KCNK10: variants seen among roughly 807,000 people sequenced by gnomAD.
The protein encoded by KCNK10 is potassium two pore domain channel subfamily K member 10.
In KCNK10, 25 loss-of-function variants were observed where a neutral mutation model predicts 47.7. The ratio of observed to expected loss-of-function variants is 0.52; its 90% CI spans 0.38 to 0.73. The LOEUF (loss-of-function observed/expected upper bound fraction) is 0.73. KCNK10 is among the 30% of genes least tolerant of loss of function. The pLI is 0.00. For missense variants in KCNK10, 563 were observed against 714.5 expected (o/e 0.79, Z 2.42); for synonymous variants, 303 against 285.6 (o/e 1.06, Z -0.61).
intron 2 of KCNK10, among the ~76,000 whole-genome samples, chr14:88,261,720 A>G (rs973672905): frequency 1.3e-5 from 2 of 151,878 alleles, no homozygotes; most frequent in Non-Finnish European, 2.9e-5. Context: ...TGATCACACC[A>G]CTGCACTCCA....
rs1291812697 is a variant in KCNK10, at chr14:88,322,079, G to A, written c.52+668C>T. On this transcript the variant is annotated intron_variant, in intron 1 of 6. Coordinates refer to ENST00000319231, the MANE Select transcript of KCNK10 (RefSeq NM_138317.3). The surrounding 1 kb of genome is among the most constrained non-coding windows in gnomAD (Gnocchi z 4.8). ...ATGCAAACCACACCATTGCTTGGGCGGGCACACTTCGTGCCCCTCCCCTAT... is the reference window on the plus strand; with the variant it reads ...ATGCAAACCACACCATTGCTTGGGCAGGCACACTTCGTGCCCCTCCCCTAT... Among the ~76,000 whole-genome samples the A allele has an allele frequency of 6.6e-6, 1 of 152,130 alleles. No homozygotes were observed. The highest frequency in any genetic ancestry group is 6.5e-5 in the Admixed American group (1 of 15,280).
chr14:88,203,963 C>T lies in KCNK10; in HGVS notation c.682-11553G>A, dbSNP rs114023883. 6.6e-3 allele frequency among the ~76,000 whole-genome samples: 1,010 copies of T among 152,202 alleles called. 16 individuals are homozygous for T. Among genetic ancestry groups the T allele is most frequent in the African/African-American group, 0.023 (956 of 41,526 alleles). ...GCCAGTGGAGCACCAGGCATTGGGG[C>T]CAAATGTAGATGCAGAGAAAAGATT... On this transcript the variant is annotated intron_variant, in intron 4 of 6. Coordinates refer to ENST00000319231, the MANE Select transcript of KCNK10 (RefSeq NM_138317.3).
intron 1 of KCNK10, among the ~76,000 whole-genome samples, chr14:88,275,697 A>G (rs1212859833): frequency 6.8e-6 from 1 of 147,438 alleles, no homozygotes; most frequent in Non-Finnish European, 1.5e-5. Context: ...AAAATACAAA[A>G]AAAAAAAAAA....
chr14:88,197,571 C>CAAAA (rs1566681344), intron 4 of KCNK10, among the ~76,000 whole-genome samples: 1 of 16,780 alleles, frequency 6.0e-5, no homozygotes, highest in Non-Finnish European at 1.2e-4. Context: ...GAGACTCCGA[C>CAAAA]TAAAAAAAAA....
chr14:88,301,652 G>GAA (rs36032285), intron 1 of KCNK10, among the ~76,000 whole-genome samples: 66,988 of 145,408 alleles, frequency 0.46, 17,395 homozygotes, highest in Non-Finnish European at 0.57. Context: ...AATCCTAGGA[G>GAA]AAAAAAAAAA....
chr14:88,235,656 T>C (rs1321954192), intron 3 of KCNK10, among the ~76,000 whole-genome samples: 3 of 151,946 alleles, frequency 2.0e-5, no homozygotes, highest in Non-Finnish European at 4.4e-5. Context: ...ACTAAAGGAA[T>C]AGGGAGAATA....
intron 2 of KCNK10, among the ~76,000 whole-genome samples, chr14:88,253,475 C>T (rs1886856095): frequency 6.6e-6 from 1 of 151,894 alleles, no homozygotes. Flanking sequence ...TCACGAGGTA[C>T]CTCATAAATA....
chr14:88,257,754 TCTCTGAG>T (rs1431796247), intron 2 of KCNK10, among the ~76,000 whole-genome samples: 7 of 152,170 alleles, frequency 4.6e-5, no homozygotes, highest in African/African-American at 1.4e-4. Flanking sequence ...CACAAAATAT[TCTCTGAG>T]CTCTATTTGC....
intron 4 of KCNK10, among the ~76,000 whole-genome samples, chr14:88,192,832 C>A (rs1476666653): frequency 6.6e-6 from 1 of 152,170 alleles, no homozygotes. Context: ...GCTCTTTCCA[C>A]AATGGTGGTG....
At chr14:88,246,258 G>A (rs1201447895) in intron 2 of KCNK10, among the ~76,000 whole-genome samples, 5 of 112,688 alleles carry the variant, frequency 4.4e-5, no homozygotes, top group Non-Finnish European at 8.5e-5. Context: ...GCGAGACTCC[G>A]TCTCAGAAAA....
intron 6 of KCNK10, 123 bp downstream of exon 6, chr14:88,187,844 G>C: frequency 1.2e-5 from 10 of 815,668 alleles, no homozygotes; most frequent in Non-Finnish European, 1.8e-5. Context: ...CCTATGACCC[G>C]CCCCCCGCTC....
chr14:88,258,556 TG>T (rs1887023874), intron 2 of KCNK10, among the ~76,000 whole-genome samples: 1 of 152,208 alleles, frequency 6.6e-6, no homozygotes, highest in Non-Finnish European at 1.5e-5. Context: ...CCCACAGTGG[TG>T]GGATTACAGG....
chr14:88,260,425 T>C lies in KCNK10; in HGVS notation c.402+2777A>G, dbSNP rs143154570. 8.0e-3 allele frequency among the ~76,000 whole-genome samples: 1,213 copies of C among 152,350 alleles called. 17 individuals are homozygous for C. The highest frequency in any genetic ancestry group is 0.027 in the African/African-American group (1,130 of 41,580). On this transcript the variant is annotated intron_variant, in intron 2 of 6. Transcript: ENST00000319231. This position sits in a 1 kb window ranked among gnomAD's most constrained non-coding sequence, Gnocchi z 4.5. Reference sequence around the variant, plus strand: ...CTGTGAATCAATTAAACCTCTTTTCTTTATAAATTGCTTAGTCTCAGATAG... The same window carrying C: ...CTGTGAATCAATTAAACCTCTTTTCCTTATAAATTGCTTAGTCTCAGATAG...
chr14:88,295,017 C>T (rs17124434), intron 1 of KCNK10, among the ~76,000 whole-genome samples: 5,324 of 152,198 alleles, frequency 0.035, 152 homozygotes, highest in South Asian at 0.071. Flanking sequence ...AGACAGAAAA[C>T]GAGACTTTAT....
chr14:88,263,403 G>C lies in KCNK10; in HGVS notation c.201C>G (p.Gly67=), dbSNP rs1331333448. Residue 67 remains glycine, a synonymous_variant, in exon 2 of 7, where the codon GGC becomes GGG. Transcript: ENST00000319231. The stretch of plus-strand genomic sequence containing the variant: ...TCTTCCACTTCATGACGGTCTGCAA[G>C]CCCCCTTGGGAGGTGCCTTCCATCC... ...VARMEGTSQG[G]LQTVMKWKTV... 1 of 1,614,010 alleles carries C rather than the reference G, an allele frequency of 6.2e-7. No homozygotes were observed. The highest frequency in any genetic ancestry group is 2.2e-5 in the East Asian group (1 of 44,896).
intron 2 of KCNK10, among the ~76,000 whole-genome samples, chr14:88,244,884 A>G (rs766054932): frequency 2.0e-5 from 3 of 152,214 alleles, no homozygotes; most frequent in Non-Finnish European, 2.9e-5. Context: ...ACCATTATCA[A>G]GTTCAGAGAG....
rs1282561044 is a variant in KCNK10 at position 88,260,763 on chromosome 14, T to A, written c.402+2439A>T. 6.6e-6 allele frequency among the ~76,000 whole-genome samples: 1 copy of A among 152,238 alleles called. No individual in the cohort carries two copies. The highest frequency in any genetic ancestry group is 1.5e-5 in the Non-Finnish European group (1 of 68,036). On this transcript the variant is annotated intron_variant, in intron 2 of 6. Transcript: ENST00000319231. The surrounding 1 kb of genome is among the most constrained non-coding windows in gnomAD (Gnocchi z 4.5). ...TGCCCAGCTCATAACAGATGCCTAA[T>A]AAAGAGCAGCTTTTTAAATTGTTAT...
chr14:88,286,715 A>T (rs1887768880), intron 1 of KCNK10, among the ~76,000 whole-genome samples: 1 of 152,182 alleles, frequency 6.6e-6, no homozygotes, highest in South Asian at 2.1e-4. Flanking sequence ...AATGAGAATC[A>T]AGTGAAAGGG....
At chr14:88,315,140 G>T (rs1303143959) in intron 1 of KCNK10, among the ~76,000 whole-genome samples, 1 of 152,166 alleles carries the variant, frequency 6.6e-6, no homozygotes, top group Non-Finnish European at 1.5e-5. Flanking sequence ...ACTATAACAT[G>T]TATTTAATCT....
Sources: gnomAD v4.1 joint callset for allele counts (sites outside exome capture counted in the v4.1 genomes callset) on GRCh38, gnomAD v4.1.1 for gene constraint, Gnocchi (gnomAD v3.1) non-coding constraint, MANE v1.5 for transcripts, NCBI Gene and HGNC (gene_info 2026-07-23, HGNC 2026-07-21) for gene names.